Variants in KLHL7 observed in about 807,000 individuals in gnomAD.
KLHL7 encodes the protein kelch like family member 7.
A neutral mutation model predicts 67.4 loss-of-function variants in KLHL7; 44 were observed. That is an observed-to-expected ratio of 0.65 (90% CI 0.51 to 0.84). KLHL7 has a LOEUF of 0.84. Ranked by LOEUF, KLHL7 falls within the 40% of genes least tolerant of loss-of-function variation. KLHL7 has a pLI of 0.00. For synonymous variants in KLHL7, 252 were observed against 243.3 expected (o/e 1.04, Z -0.33); for missense variants, 362 against 718.1 (o/e 0.50, Z 5.67).
Position 23,124,742 on chromosome 7 carries a change from A to G in KLHL7, c.278A>G (p.Asp93Gly). The change falls in exon 3 of 11, where the codon GAT (aspartate) becomes GGT (glycine). Residue 93 changes from aspartate (D) to glycine (G), a missense_variant. By Grantham distance (94) the Asp-to-Gly change is moderately conservative. Coordinates refer to ENST00000339077, the MANE Select transcript of KLHL7 (RefSeq NM_001031710.3). ...GTAGAACTCAAAGATGCTGAACCTG[A>G]TATTATTGAACAACTGGTGGAATTT... ...FEVELKDAEP[D>G]IIEQLVEFAY... 1.9e-6 allele frequency: 3 copies of G among 1,611,962 alleles called. No individual in the cohort carries two copies. The highest frequency in any genetic ancestry group is 1.7e-6 in the Non-Finnish European group (2 of 1,178,038).
intron 7 of KLHL7, among the ~76,000 whole-genome samples, chr7:23,158,246 T>C (rs771714453): frequency 2.6e-5 from 4 of 152,034 alleles, no homozygotes; most frequent in Non-Finnish European, 5.9e-5. Flanking sequence ...GGATTATAGA[T>C]GTGAGCCACC....
chr7:23,153,188 C>A (rs925226711), intron 7 of KLHL7, among the ~76,000 whole-genome samples: 2 of 149,302 alleles, frequency 1.3e-5, no homozygotes, highest in Admixed American at 1.3e-4. Context: ...AGAACACTTT[C>A]CTTCATATTG....
chr7:23,115,921 T>TC (rs1159455077), intron 1 of KLHL7, among the ~76,000 whole-genome samples: 4 of 152,278 alleles, frequency 2.6e-5, no homozygotes, highest in Admixed American at 6.5e-5. Flanking sequence ...TCATAGAGTT[T>TC]CCCTTTTTTC....
chr7:23,151,255 G>T (rs549288166), intron 6 of KLHL7, among the ~76,000 whole-genome samples: 4 of 151,536 alleles, frequency 2.6e-5, no homozygotes, highest in African/African-American at 9.7e-5. Flanking sequence ...TGAAATATGA[G>T]GTAGGGGTAT....
rs1323869847 is a variant in KLHL7, at chr7:23,164,780, T to C, written c.937-918T>C. ...TGAATGCCTGAAACACTGGATACGA[T>C]CATAGGTTATCAGTCAGATTTTCTC... On this transcript the variant is annotated intron_variant, in intron 7 of 10. Transcript: ENST00000339077. 6.6e-5 allele frequency among the ~76,000 whole-genome samples: 10 copies of C among 152,230 alleles called. 1 individual carries two copies. The highest frequency in any genetic ancestry group is 5.2e-4 in the Admixed American group (8 of 15,284).
At chr7:23,126,452 GC>G (rs1783576920) in intron 4 of KLHL7, among the ~76,000 whole-genome samples, 2 of 152,234 alleles carry the variant, frequency 1.3e-5, no homozygotes, top group Admixed American at 1.3e-4. Context: ...TGCTAGGAAA[GC>G]AGGGAGGAAA....
chr7:23,173,976 T>C (rs762235027), intron 10 of KLHL7, 39 bp from the exon 11 acceptor site: 2 of 1,588,776 alleles, frequency 1.3e-6, no homozygotes, highest in Admixed American at 3.3e-5. Flanking sequence ...GAATTGTTGA[T>C]ATAGTTTTTC....
chr7:23,158,423 G>C lies in KLHL7; in HGVS notation c.936+6214G>C, dbSNP rs183225973. Among the ~76,000 whole-genome samples, 7 of 152,194 alleles carry C rather than the reference G, an allele frequency of 4.6e-5. No individual in the cohort carries two copies. The East Asian group carries it at 1.4e-3, about 29-fold the overall frequency. ...CCAATAATTAATATTGGTTACCTTT[G>C]GTAATTGTTCATATGTTGACCCAGA... On this transcript the variant is annotated intron_variant, in intron 7 of 10. Transcript: ENST00000339077.
chr7:23,164,013 C>T (rs1396049536), intron 7 of KLHL7, among the ~76,000 whole-genome samples: 1 of 152,140 alleles, frequency 6.6e-6, no homozygotes, highest in Non-Finnish European at 1.5e-5. Context: ...CTAGATTTCC[C>T]TGTAGATTTC....
In KLHL7 at chr7:23,175,953, T is replaced by TAAAAAA. The variant is rs57658434; in HGVS notation, c.*1675_*1680dup. The TAAAAAA allele has an allele frequency of 1.0e-3, 62 of 60,490 alleles. 2 individuals carry two copies. The highest frequency in any genetic ancestry group is 3.7e-3 in the African/African-American group (53 of 14,162). 3.7% of individuals were successfully genotyped at this position (60,490 alleles called of 1,614,324 possible). ...CCCAGCCTGGGCAACAGAGCAAGAC[T>TAAAAAA]AAAAAAAAAAAAAAAAAAAAAAAAA... On this transcript the variant is annotated 3_prime_UTR_variant, in exon 11 of 11. Transcript: ENST00000339077.
intron 7 of KLHL7, among the ~76,000 whole-genome samples, chr7:23,157,605 A>AGAAAATATT (rs58236990): frequency 6.6e-6 from 1 of 151,840 alleles, no homozygotes; most frequent in Non-Finnish European, 1.5e-5. Flanking sequence ...CTTCCAAAAT[A>AGAAAATATT]GAGAGTCTCA....
intron 1 of KLHL7, chr7:23,106,639 GTCC>G: frequency 1.9e-6 from 2 of 1,031,930 alleles, no homozygotes; most frequent in Non-Finnish European, 2.3e-6. Flanking sequence ...TTGAAGAGGA[GTCC>G]TCCTGTTCGT....
chr7:23,122,207 G>A (rs1783382421), intron 1 of KLHL7, among the ~76,000 whole-genome samples: 1 of 152,082 alleles, frequency 6.6e-6, no homozygotes, highest in Admixed American at 6.5e-5. Context: ...CTGTTGTTGA[G>A]TATGCCTTGG....
intron 7 of KLHL7, among the ~76,000 whole-genome samples, chr7:23,158,285 G>A (rs925528590): frequency 6.6e-6 from 1 of 152,100 alleles, no homozygotes; most frequent in African/African-American, 2.4e-5. Context: ...GGTTTTAAGG[G>A]ACTCTAGCCT....
intron 1 of KLHL7, among the ~76,000 whole-genome samples, chr7:23,116,213 T>C (rs771908460): frequency 1.5e-4 from 23 of 152,320 alleles, no homozygotes; most frequent in Non-Finnish European, 2.8e-4. Flanking sequence ...GAATCCTGTC[T>C]CTTGGAGGGG....
chr7:23,174,216 A>G lies in KLHL7; in HGVS notation c.1679A>G (p.Lys560Arg). Residue 560 changes from lysine to arginine, a missense_variant, in exon 11 of 11, where the codon AAA becomes AGA. By Grantham distance (26) the Lys-to-Arg change is conservative (BLOSUM62 2). Around this residue, in one of 5 missense-constraint regions of KLHL7, gnomAD observed 136 missense variants for 252.7 expected, o/e 0.54. Transcript: ENST00000339077. ...ACAGACAAATGGGTTGCCAACTCCA[A>G]AGTTCGTGCTTTTCCAGTCACAAGT... ...TETDKWVANS[K>R]VRAFPVTSCL... The G allele has an allele frequency of 6.2e-7, 1 of 1,614,170 alleles. No individual in the cohort carries two copies. Among genetic ancestry groups the G allele is most frequent in the African/African-American group, 1.3e-5 (1 of 75,056 alleles).
rs140442411 is a variant in KLHL7, at chr7:23,116,288, C to T, written c.121-7489C>T. ...TGGCCTTTAACATTCCTTTAAGGCC[C>T]GTGGTCCCACAGGGACCACTATGGC... On this transcript the variant is annotated intron_variant, in intron 1 of 10. Coordinates refer to ENST00000339077, the MANE Select transcript of KLHL7 (RefSeq NM_001031710.3). Among the ~76,000 whole-genome samples, 1,067 of 152,324 alleles carry T rather than the reference C, an allele frequency of 7.0e-3. 13 individuals are homozygous for T. The highest frequency in any genetic ancestry group is 0.024 in the African/African-American group (985 of 41,570).
chr7:23,150,766 A>G (rs1478480012), intron 6 of KLHL7, among the ~76,000 whole-genome samples: 3 of 152,186 alleles, frequency 2.0e-5, no homozygotes, highest in Non-Finnish European at 4.4e-5. Flanking sequence ...CGATACAACC[A>G]TATTATACCC....
Position 23,174,611 on chromosome 7 carries a change from C to T in KLHL7, c.*313C>T, listed in dbSNP as rs1028136870. ...ATTTTGGCAGAATAGAAGATTGGCT[C>T]ATCAGTGAAGCGCAGTATCTTAGCT... On this transcript the variant is annotated 3_prime_UTR_variant, in exon 11 of 11. Coordinates refer to ENST00000339077, the MANE Select transcript of KLHL7 (RefSeq NM_001031710.3). 1.2e-5 allele frequency: 6 copies of T among 497,110 alleles called. No homozygotes were observed. The highest frequency in any genetic ancestry group is 2.3e-5 in the Non-Finnish European group (6 of 255,672). The allele number at this position is 497,110 out of a possible 1,614,324, so 30.8% of individuals were successfully genotyped here.
Sources: gnomAD v4.1 joint callset for allele counts (sites outside exome capture counted in the v4.1 genomes callset) on GRCh38, gnomAD v4.1.1 for gene constraint, gnomAD v4.1.1 regional missense constraint, MANE v1.5 for transcripts, NCBI Gene and HGNC (gene_info 2026-07-23, HGNC 2026-07-21) for gene names.